The following ADAM12 variants were observed in gnomAD, a reference collection of about 807,000 sequenced individuals.
ADAM12 encodes the protein disintegrin and metalloproteinase domain-containing protein 12.
Under a neutral mutation model 106.4 loss-of-function variants are expected in ADAM12, and 70 were observed. The ratio of observed to expected loss-of-function variants is 0.66; its 90% CI spans 0.54 to 0.80. ADAM12 has a LOEUF of 0.80. ADAM12 is among the 30% of genes least tolerant of loss of function. The pLI, the probability that ADAM12 is intolerant of heterozygous loss-of-function variation, is 0.00. For synonymous variants in ADAM12, 420 were observed against 433.5 expected (o/e 0.97, Z 0.39); for missense variants, 1,010 against 1,171.9 (o/e 0.86, Z 2.02).
chr10:126,325,523 G>C (rs937562934), intron 2 of ADAM12, among the ~76,000 whole-genome samples: 3 of 152,212 alleles, frequency 2.0e-5, no homozygotes, highest in Non-Finnish European at 4.4e-5. Flanking sequence ...GCTGCTATTT[G>C]ATATTTGAGA....
chr10:126,383,098 C>A (rs1856548058), intron 1 of ADAM12, among the ~76,000 whole-genome samples: 1 of 152,088 alleles, frequency 6.6e-6, no homozygotes, highest in South Asian at 2.1e-4. Context: ...GTGTGTGACA[C>A]CTTGCCCAGT....
intron 5 of ADAM12, among the ~76,000 whole-genome samples, chr10:126,126,451 T>C (rs1246200599): frequency 1.3e-5 from 2 of 150,834 alleles, no homozygotes; most frequent in African/African-American, 2.4e-5. Context: ...ATTTTCGTTG[T>C]TTTTTTTAGA....
chr10:126,266,959 G>A (rs7915523), intron 3 of ADAM12, among the ~76,000 whole-genome samples: 27,360 of 152,104 alleles, frequency 0.18, 2,528 homozygotes, highest in African/African-American at 0.22. Flanking sequence ...GATTACAACC[G>A]AACAGGAGAT....
rs1292695432 is a variant in ADAM12 at position 126,098,511 on chromosome 10, A to C, written c.912-11T>G. ...TGGAAATAAACCCCACTAGGAAATA[A>C]AAGAGAGGACTTTCTTTAATCAAAT... is the stretch of plus-strand genomic sequence containing the variant. On this transcript the variant is annotated splice_polypyrimidine_tract_variant and intron_variant, in intron 9 of 22. Coordinates refer to ENST00000448723, the MANE Select transcript of ADAM12 (RefSeq NM_001288973.2). 7 of 1,608,706 alleles carry C rather than the reference A, an allele frequency of 4.4e-6. No homozygotes were observed. The highest frequency in any genetic ancestry group is 1.3e-5 in the African/African-American group (1 of 74,816).
At chr10:126,130,613 G>T (rs1032570633) in intron 5 of ADAM12, among the ~76,000 whole-genome samples, 2 of 152,222 alleles carry the variant, frequency 1.3e-5, no homozygotes, top group South Asian at 4.1e-4. Flanking sequence ...ACACTGCAGA[G>T]TCTGGCCAGC....
At chr10:126,091,127 C>G (rs536403504) in intron 11 of ADAM12, 1 of 147,662 alleles carries the variant, frequency 6.8e-6, no homozygotes, top group South Asian at 2.3e-4. Context: ...GTCTTTCCAG[C>G]AATGATGAGT....
At chr10:126,333,445 T>C (rs1161370408) in intron 1 of ADAM12, among the ~76,000 whole-genome samples, 1 of 152,204 alleles carries the variant, frequency 6.6e-6, no homozygotes, top group Non-Finnish European at 1.5e-5. Flanking sequence ...CTTAATAGAC[T>C]TCCCTTGAGA....
intron 3 of ADAM12, among the ~76,000 whole-genome samples, chr10:126,275,050 A>G (rs1387390161): frequency 6.6e-6 from 1 of 152,216 alleles, no homozygotes; most frequent in Non-Finnish European, 1.5e-5. Context: ...TACCCCAAAC[A>G]TAAATTCAAT....
chr10:126,135,828 T>C (rs1213928555), intron 4 of ADAM12, among the ~76,000 whole-genome samples, 168 bp from the exon 5 acceptor site: 1 of 152,250 alleles, frequency 6.6e-6, no homozygotes, highest in Non-Finnish European at 1.5e-5. Flanking sequence ...CCAGGGTCTA[T>C]GTCGGGAATA....
At chr10:126,019,468 CCA>C (rs1215236015) in intron 22 of ADAM12, among the ~76,000 whole-genome samples, 2 of 152,186 alleles carry the variant, frequency 1.3e-5, no homozygotes. Flanking sequence ...TCTCTTAGGT[CCA>C]CTGTGGCTGT....
chr10:126,209,008 T>C (rs1403899179), intron 3 of ADAM12, among the ~76,000 whole-genome samples: 1 of 152,216 alleles, frequency 6.6e-6, no homozygotes, highest in Admixed American at 6.5e-5. Context: ...TTTTCAGAAT[T>C]AATGAAACTT....
At chr10:126,291,375 C>T (rs1006361651) in intron 2 of ADAM12, among the ~76,000 whole-genome samples, 1 of 152,148 alleles carries the variant, frequency 6.6e-6, no homozygotes, top group Non-Finnish European at 1.5e-5. Flanking sequence ...ACAGAGGCAC[C>T]GCAAGTCACT....
At chr10:126,023,157 A>G (rs1953801504) in intron 21 of ADAM12, among the ~76,000 whole-genome samples, 1 of 152,196 alleles carries the variant, frequency 6.6e-6, no homozygotes, top group African/African-American at 2.4e-5. Flanking sequence ...CGGCATCAAT[A>G]TGTTTCACTG....
intron 3 of ADAM12, among the ~76,000 whole-genome samples, chr10:126,208,939 C>T (rs990729776): frequency 1.3e-5 from 2 of 151,298 alleles, no homozygotes; most frequent in Non-Finnish European, 2.9e-5. Context: ...TCCTCAGTTA[C>T]GTGCCAACTT....
At chr10:126,369,487 C>G (rs1856036128) in intron 1 of ADAM12, among the ~76,000 whole-genome samples, 1 of 152,154 alleles carries the variant, frequency 6.6e-6, no homozygotes, top group Non-Finnish European at 1.5e-5. Flanking sequence ...CAAGAACCGG[C>G]TGCCTGTGAG....
chr10:126,206,319 C>G (rs1957793472), intron 3 of ADAM12, among the ~76,000 whole-genome samples: 1 of 152,166 alleles, frequency 6.6e-6, no homozygotes, highest in Non-Finnish European at 1.5e-5. Context: ...CTTCAAGATC[C>G]TAAATCCCAA....
intron 11 of ADAM12, among the ~76,000 whole-genome samples, chr10:126,090,323 A>G (rs916393655): frequency 6.6e-6 from 1 of 152,026 alleles, no homozygotes; most frequent in African/African-American, 2.4e-5. Flanking sequence ...AAAAAAAAAA[A>G]AAAAAAGGAA....
At chr10:126,035,386 A>G (rs7071867) in intron 21 of ADAM12, among the ~76,000 whole-genome samples, 38,975 of 152,022 alleles carry the variant, frequency 0.26, 5,353 homozygotes, top group East Asian at 0.43. Context: ...GTACTTAAAC[A>G]TTTATATTCA....
intron 3 of ADAM12, among the ~76,000 whole-genome samples, chr10:126,169,791 G>A (rs980961414): frequency 2.6e-5 from 4 of 152,012 alleles, no homozygotes; most frequent in Non-Finnish European, 5.9e-5. Context: ...AAGTTCAGCC[G>A]ACTTATTTGG....
Sources: allele counts gnomAD v4.1 joint callset (sites outside exome capture counted in the v4.1 genomes callset), GRCh38; gene constraint gnomAD v4.1.1; transcripts MANE v1.5; gene names NCBI Gene and HGNC (gene_info 2026-07-23, HGNC 2026-07-21).